The following TFDP2 variants were observed in gnomAD, a reference collection of about 807,000 sequenced individuals.
TFDP2 encodes the protein transcription factor Dp-2.
TFDP2 carries 17 observed loss-of-function variants against 59.3 expected under a neutral mutation model. The ratio of observed to expected loss-of-function variants is 0.29; its 90% confidence interval spans 0.20 to 0.43. The LOEUF (loss-of-function observed/expected upper bound fraction) is 0.43, where lower values mean the gene tolerates loss of function less well. Among genes scored for constraint, TFDP2 ranks in the 20% least tolerant of loss-of-function variants. The pLI, the probability that TFDP2 is intolerant of heterozygous loss-of-function variation, is 1.00. For synonymous variants in TFDP2, 180 were observed against 194.7 expected (o/e 0.92, Z 0.63); for missense variants, 391 against 528.8 (o/e 0.74, Z 2.56).
In TFDP2 at chr3:141,950,691, G is replaced by C. The variant is rs1221188951; in HGVS notation, c.*1822C>G. 1 of 152,642 alleles carries C rather than the reference G, an allele frequency of 6.6e-6. No homozygotes were observed. The highest frequency in any genetic ancestry group is 2.4e-5 in the African/African-American group (1 of 41,434). 9.5% of individuals were successfully genotyped at this position (152,642 alleles called of 1,614,324 possible). ...GAGAAAGGGTGGAGTTAGTAAAAGA[G>C]GAGGCTGCCCCTTAAAGGACAGTTT... On this transcript the variant is annotated 3_prime_UTR_variant, in exon 13 of 13. Coordinates refer to ENST00000489671, the MANE Select transcript of TFDP2 (RefSeq NM_001178139.2).
In TFDP2 at chr3:141,949,547, G is replaced by C. The variant is rs1935688622; in HGVS notation, c.*2966C>G. On this transcript the variant is annotated 3_prime_UTR_variant, in exon 13 of 13. Transcript: ENST00000489671. Reference sequence around the variant, plus strand: ...GCCCGTAAGCGCTGCTGTGTGCCTAGGCAGCACCGCCCTACCCACTGAGGG... The same window carrying C: ...GCCCGTAAGCGCTGCTGTGTGCCTACGCAGCACCGCCCTACCCACTGAGGG... 6.6e-6 allele frequency: 1 copy of C among 152,290 alleles called. No individual in the cohort carries two copies. 9.4% of individuals were successfully genotyped at this position (152,290 alleles called of 1,614,324 possible).
At chr3:141,959,563 G>T in intron 11 of TFDP2, 111 bp downstream of exon 11, 1 of 1,178,498 alleles carries the variant, frequency 8.5e-7, no homozygotes, top group Non-Finnish European at 1.2e-6. Flanking sequence ...TCAGTTTGTC[G>T]ACACAAGCAC....
intron 1 of TFDP2, among the ~76,000 whole-genome samples, chr3:142,136,674 G>A (rs1375294746): frequency 6.6e-6 from 1 of 152,046 alleles, no homozygotes; most frequent in South Asian, 2.1e-4. Context: ...TTGTTAAATA[G>A]GGAATCCTTT....
intron 1 of TFDP2, among the ~76,000 whole-genome samples, chr3:142,106,348 T>C (rs1030833914): frequency 1.3e-5 from 2 of 152,268 alleles, no homozygotes; most frequent in Admixed American, 6.5e-5. Context: ...ATAGAGACTT[T>C]CTTCATTCAA....
At chr3:142,115,819 T>C (rs1408036703) in intron 1 of TFDP2, among the ~76,000 whole-genome samples, 3 of 152,332 alleles carry the variant, frequency 2.0e-5, no homozygotes, top group South Asian at 2.1e-4. Flanking sequence ...TGTATCTTGA[T>C]TGTGGTGGTG....
At chr3:142,050,802 C>A (rs1289247895) in intron 3 of TFDP2, among the ~76,000 whole-genome samples, 1 of 152,230 alleles carries the variant, frequency 6.6e-6, no homozygotes, top group Middle Eastern at 3.4e-3. Context: ...GAGCTGAAAT[C>A]ACTCCACTGC....
chr3:141,990,135 A>G (rs1225639134), intron 6 of TFDP2, among the ~76,000 whole-genome samples: 1 of 152,102 alleles, frequency 6.6e-6, no homozygotes, highest in Non-Finnish European at 1.5e-5. Context: ...CTCAAGTGAT[A>G]TGGCCACCCT....
At chr3:142,029,422 TTTCTCC>T (rs1946315476) in intron 3 of TFDP2, among the ~76,000 whole-genome samples, 2 of 150,562 alleles carry the variant, frequency 1.3e-5, no homozygotes, top group Admixed American at 1.3e-4. Flanking sequence ...GTTAAGTACC[TTTCTCC>T]ATTTTCTCAA....
At chr3:142,065,269 C>A (rs1371423154) in intron 3 of TFDP2, among the ~76,000 whole-genome samples, 1 of 151,906 alleles carries the variant, frequency 6.6e-6, no homozygotes, top group Non-Finnish European at 1.5e-5. Flanking sequence ...CCCAGTTCAG[C>A]CACACAAGGA....
At chr3:142,110,956 A>G (rs1301877272) in intron 1 of TFDP2, among the ~76,000 whole-genome samples, 4 of 2,368 alleles carry the variant, frequency 1.7e-3, no homozygotes, top group East Asian at 0.012. Flanking sequence ...CTGCCTTGGA[A>G]AAAAAAAAAA....
chr3:142,134,207 G>A (rs1176701982), intron 1 of TFDP2, among the ~76,000 whole-genome samples: 5 of 151,648 alleles, frequency 3.3e-5, no homozygotes, highest in African/African-American at 1.2e-4. Flanking sequence ...AAATTAGCTG[G>A]GCGTGGTGGC....
intron 6 of TFDP2, among the ~76,000 whole-genome samples, chr3:141,988,062 C>A (rs559966481): frequency 1.1e-3 from 170 of 152,130 alleles, no homozygotes; most frequent in African/African-American, 3.6e-3. Flanking sequence ...CCTCCTGCCT[C>A]AGCTTCCCAA....
At chr3:142,058,189 T>G (rs1258104532) in intron 3 of TFDP2, among the ~76,000 whole-genome samples, 1 of 152,176 alleles carries the variant, frequency 6.6e-6, no homozygotes, top group Non-Finnish European at 1.5e-5. Context: ...AAAATTACCT[T>G]GATAACTAAC....
intron 9 of TFDP2, among the ~76,000 whole-genome samples, chr3:141,967,464 T>C (rs931364290): frequency 6.6e-6 from 1 of 151,838 alleles, no homozygotes; most frequent in Non-Finnish European, 1.5e-5. Flanking sequence ...GGCTAATTTT[T>C]TGTATTTTTA....
At chr3:142,018,037 G>A (rs889357600) in intron 3 of TFDP2, among the ~76,000 whole-genome samples, 3 of 151,840 alleles carry the variant, frequency 2.0e-5, no homozygotes, top group African/African-American at 7.3e-5. Flanking sequence ...CCGCCTCCTG[G>A]GTTCAGGCGA....
At chr3:141,972,358 A>G (rs1180601545) in intron 8 of TFDP2, among the ~76,000 whole-genome samples, 1 of 152,024 alleles carries the variant, frequency 6.6e-6, no homozygotes, top group African/African-American at 2.4e-5. Flanking sequence ...CCTACCTGTT[A>G]ATTTTATTTC....
At chr3:142,019,005 A>G (rs1945372182) in intron 3 of TFDP2, among the ~76,000 whole-genome samples, 1 of 144,112 alleles carries the variant, frequency 6.9e-6, no homozygotes, top group Non-Finnish European at 1.5e-5. Flanking sequence ...TGCTGCAAAT[A>G]TTTCCCCCAA....
intron 3 of TFDP2, among the ~76,000 whole-genome samples, chr3:142,030,805 C>T (rs1164835200): frequency 7.0e-6 from 1 of 143,120 alleles, no homozygotes; most frequent in Non-Finnish European, 1.5e-5. Flanking sequence ...TGCAGTGGCG[C>T]GATCTCGGCT....
chr3:142,007,787 T>C (rs1032965145), intron 3 of TFDP2, among the ~76,000 whole-genome samples: 1 of 152,138 alleles, frequency 6.6e-6, no homozygotes. Context: ...CAGTTCACAA[T>C]AGGGTTTGTG....
Sources: allele counts gnomAD v4.1 joint callset (sites outside exome capture counted in the v4.1 genomes callset), GRCh38; gene constraint gnomAD v4.1.1; transcripts MANE v1.5; gene names NCBI Gene and HGNC (gene_info 2026-07-23, HGNC 2026-07-21).